PLSCR4: variants seen among roughly 807,000 people sequenced by gnomAD.
PLSCR4 encodes the protein phospholipid scramblase 4.
A neutral mutation model predicts 36.3 loss-of-function variants in PLSCR4; 25 were observed. The observed-to-expected ratio is 0.69, with a 90% CI of 0.50 to 0.96. The LOEUF (loss-of-function observed/expected upper bound fraction) is 0.96. Ranked by LOEUF, PLSCR4 falls within the 40% of genes least tolerant of loss-of-function variation. PLSCR4 has a pLI of 0.00. For missense variants in PLSCR4, 408 were observed against 414.7 expected, an observed-to-expected ratio of 0.98 and a Z score of 0.14; for synonymous variants, 122 against 132.9, an observed-to-expected ratio of 0.92 and a Z score of 0.56.
chr3:146,199,889 C>T lies in PLSCR4; in HGVS notation c.548G>A (p.Gly183Asp), dbSNP rs2033953011. Residue 183 changes from glycine (G) to aspartate (D), a missense_variant, in exon 6 of 9, where the codon GGC becomes GAC. Gly to Asp is a moderately conservative substitution (Grantham distance 94). Coordinates refer to ENST00000354952, the MANE Select transcript of PLSCR4 (RefSeq NM_020353.3). ...TCTCTGCATTGTCATGATTTCTCGG[C>T]CCATACAATCAGTGACCCGGAGGAC... ...PFVLRVTDCMGREIMTMQRPF... is the reference protein window; with the variant it reads ...PFVLRVTDCMDREIMTMQRPF... 1.2e-6 allele frequency: 2 copies of T among 1,613,600 alleles called. No individual in the cohort carries two copies. The highest frequency in any genetic ancestry group is 1.7e-6 in the Non-Finnish European group (2 of 1,179,780).
chr3:146,197,849 A>G (rs2033831291), intron 6 of PLSCR4, among the ~76,000 whole-genome samples: 1 of 152,190 alleles, frequency 6.6e-6, no homozygotes, highest in Admixed American at 6.5e-5. Context: ...TTAAGGTATT[A>G]TTGTTCATAT....
At chr3:146,196,582 TTAATA>T in intron 7 of PLSCR4, 45 bp downstream of exon 7, 2 of 1,564,614 alleles carry the variant, frequency 1.3e-6, no homozygotes, top group South Asian at 1.1e-5. Context: ...CCATGGTCTG[TTAATA>T]TGAGTAGGAA....
chr3:146,195,207 C>T lies in PLSCR4; in HGVS notation c.862G>A (p.Asp288Asn), dbSNP rs764602258. 1.9e-6 allele frequency: 3 copies of T among 1,611,794 alleles called. No individual in the cohort carries two copies. Among genetic ancestry groups the T allele is most frequent in the South Asian group, 2.2e-5 (2 of 91,018 alleles). The part of the protein sequence containing the change: ...KWNGLLSAMA[D>N]ADHFDIHFPL... ...AAGTGAATGTCAAAATGGTCAGCAT[C>T]TGCCATTGCTGATAACAAACCATTC... Residue 288 changes from aspartate (D) to asparagine (N), a missense_variant, in exon 8 of 9, where the codon GAT becomes AAT. Asp to Asn is a conservative substitution (Grantham distance 23). Transcript: ENST00000354952.
At chr3:146,221,510 A>G (rs2035140042) in intron 2 of PLSCR4, among the ~76,000 whole-genome samples, 1 of 152,190 alleles carries the variant, frequency 6.6e-6, no homozygotes, top group Non-Finnish European at 1.5e-5. Flanking sequence ...GAGGTACTGA[A>G]GTCAGTTTCA....
chr3:146,222,713 T>G (rs1412182301), intron 1 of PLSCR4, among the ~76,000 whole-genome samples: 2 of 151,904 alleles, frequency 1.3e-5, no homozygotes, highest in Non-Finnish European at 2.9e-5. Context: ...TGGCAAGGGG[T>G]TTGGCATTTT....
At chr3:146,222,776 C>G (rs1026418642) in intron 1 of PLSCR4, among the ~76,000 whole-genome samples, 1 of 152,092 alleles carries the variant, frequency 6.6e-6, no homozygotes, top group Non-Finnish European at 1.5e-5. Context: ...GTGATCAGAT[C>G]TGACCGACAT....
At chr3:146,205,561 G>A (rs2034278504) in intron 4 of PLSCR4, among the ~76,000 whole-genome samples, 1 of 151,976 alleles carries the variant, frequency 6.6e-6, no homozygotes, top group Admixed American at 6.6e-5. Flanking sequence ...CTGTGATACT[G>A]TAAGTCAATC....
chr3:146,212,703 C>A (rs973460297), intron 3 of PLSCR4, among the ~76,000 whole-genome samples: 2 of 152,000 alleles, frequency 1.3e-5, no homozygotes, highest in Non-Finnish European at 2.9e-5. Flanking sequence ...GATGAATTTT[C>A]TTTCTTTTTC....
chr3:146,242,078 G>A (rs1048552553), intron 1 of PLSCR4, among the ~76,000 whole-genome samples: 5 of 152,164 alleles, frequency 3.3e-5, no homozygotes, highest in African/African-American at 9.7e-5. Context: ...GACCATGTCC[G>A]TTGAAGGCAA....
At chr3:146,238,564 G>C (rs2036012998) in intron 1 of PLSCR4, among the ~76,000 whole-genome samples, 1 of 151,768 alleles carries the variant, frequency 6.6e-6, no homozygotes, top group Admixed American at 6.6e-5. Context: ...ATAGATGACA[G>C]AAAAAATATT....
At chr3:146,217,786 G>A (rs1452126904) in intron 3 of PLSCR4, among the ~76,000 whole-genome samples, 1 of 152,194 alleles carries the variant, frequency 6.6e-6, no homozygotes, top group Non-Finnish European at 1.5e-5. Context: ...CATTGAGTTT[G>A]AGATTCAATG....
At chr3:146,247,447 G>A (rs1480121310) in intron 1 of PLSCR4, among the ~76,000 whole-genome samples, 3 of 151,980 alleles carry the variant, frequency 2.0e-5, no homozygotes, top group African/African-American at 7.3e-5. Context: ...TGAGGAGGCT[G>A]AGCCACTTTT....
At position 146,229,064 on chromosome 3, in the gene PLSCR4, A is replaced by G. The variant is rs373345625; in HGVS notation, c.-21-6972T>C. On this transcript the variant is annotated intron_variant, in intron 1 of 8. Transcript: ENST00000354952. ...ATTTTCTTCTATCTCCATAGAAAGT[A>G]AAAGCTAATCAATTTTAGTTGTTAC... 3.7e-4 allele frequency among the ~76,000 whole-genome samples: 57 copies of G among 152,332 alleles called. 5 individuals carry two copies. In the South Asian group the frequency reaches 8.9e-3, roughly 24 times the overall value.
chr3:146,219,841 G>T (rs1450730673), intron 3 of PLSCR4, among the ~76,000 whole-genome samples: 1 of 152,132 alleles, frequency 6.6e-6, no homozygotes, highest in African/African-American at 2.4e-5. Context: ...TCCGAAAGCT[G>T]ATGCAGGAGA....
chr3:146,206,911 A>G, intron 3 of PLSCR4, 150 bp from the exon 4 acceptor site: 1 of 603,808 alleles, frequency 1.7e-6, no homozygotes, highest in Non-Finnish European at 3.0e-6. Flanking sequence ...TCATGGTTGC[A>G]TATGACCCAA....
chr3:146,221,967 AC>A (rs1272095244), intron 2 of PLSCR4, 97 bp downstream of exon 2: 3 of 553,208 alleles, frequency 5.4e-6, no homozygotes, highest in African/African-American at 2.0e-5. Context: ...CAAATGTTAA[AC>A]AAAAAAAAAT....
At chr3:146,205,265 T>C (rs541812334) in intron 4 of PLSCR4, among the ~76,000 whole-genome samples, 1 of 152,224 alleles carries the variant, frequency 6.6e-6, no homozygotes, top group Non-Finnish European at 1.5e-5. Flanking sequence ...TTCCAAGCCC[T>C]CAGTGGATAC....
At chr3:146,242,234 G>A (rs1162239040) in intron 1 of PLSCR4, among the ~76,000 whole-genome samples, 1 of 152,172 alleles carries the variant, frequency 6.6e-6, no homozygotes, top group Non-Finnish European at 1.5e-5. Flanking sequence ...CTGGTTCTGA[G>A]GGCTGCCTGA....
chr3:146,197,173 A>G (rs2033791742), intron 6 of PLSCR4, among the ~76,000 whole-genome samples: 2 of 152,182 alleles, frequency 1.3e-5, no homozygotes, highest in African/African-American at 4.8e-5. Flanking sequence ...CACTTTCTAA[A>G]ACATGGAACT....
Sources: gnomAD v4.1 joint callset for allele counts (sites outside exome capture counted in the v4.1 genomes callset) on GRCh38, gnomAD v4.1.1 for gene constraint, MANE v1.5 for transcripts, NCBI Gene and HGNC (gene_info 2026-07-23, HGNC 2026-07-21) for gene names.